GPR141: variants seen among roughly 807,000 people sequenced by gnomAD.
GPR141 encodes probable G protein-coupled receptor 141.
A neutral mutation model predicts 6.8 loss-of-function variants in GPR141; 6 were observed. That is an observed-to-expected ratio of 0.88 (90% CI 0.48 to 1.74). The LOEUF is 1.74. Ranked by LOEUF, GPR141 falls within the 40% of genes most tolerant of loss-of-function variation. The pLI is 0.01. For missense variants in GPR141, 372 were observed against 372.9 expected (o/e 1.00, Z 0.02); for synonymous variants, 140 against 142.3 (o/e 0.98, Z 0.11).
At chr7:37,736,677 C>T (rs1025127191) in intron 2 of GPR141, among the ~76,000 whole-genome samples, 3 of 152,036 alleles carry the variant, frequency 2.0e-5, no homozygotes, top group African/African-American at 7.2e-5. Context: ...ATGCCAACCT[C>T]GGCTTTTATG....
chr7:37,719,657 G>C (rs1035545414), intron 2 of GPR141, among the ~76,000 whole-genome samples: 1 of 152,100 alleles, frequency 6.6e-6, no homozygotes, highest in African/African-American at 2.4e-5. Flanking sequence ...CTTAGAGTTC[G>C]CCTTGGCCAT....
At chr7:37,700,226 G>C (rs1022497574) in intron 2 of GPR141, among the ~76,000 whole-genome samples, 3 of 152,196 alleles carry the variant, frequency 2.0e-5, no homozygotes, top group Non-Finnish European at 4.4e-5. Flanking sequence ...GATGTGATCA[G>C]ATTGAATTTA....
At chr7:37,694,489 G>A (rs1809928879) in intron 2 of GPR141, among the ~76,000 whole-genome samples, 1 of 152,190 alleles carries the variant, frequency 6.6e-6, no homozygotes, top group Non-Finnish European at 1.5e-5. Flanking sequence ...CTGTTCTGCT[G>A]AAGAACTGTT....
At chr7:37,705,432 A>G (rs994707420) in intron 2 of GPR141, among the ~76,000 whole-genome samples, 2 of 152,194 alleles carry the variant, frequency 1.3e-5, no homozygotes, top group African/African-American at 4.8e-5. Context: ...TCAGTAGAGA[A>G]AGGAAATTCT....
chr7:37,719,308 C>A (rs1378631440), intron 2 of GPR141, among the ~76,000 whole-genome samples: 1 of 152,164 alleles, frequency 6.6e-6, no homozygotes, highest in Non-Finnish European at 1.5e-5. Context: ...TCAAATCATA[C>A]ACTCTTGGGA....
chr7:37,726,203 A>C (rs1583565685), intron 2 of GPR141, among the ~76,000 whole-genome samples: 1 of 152,370 alleles, frequency 6.6e-6, no homozygotes, highest in African/African-American at 2.4e-5. Context: ...AGGAGGGATC[A>C]CATCCTGTAA....
At chr7:37,692,565 T>A (rs1357446484) in intron 2 of GPR141, among the ~76,000 whole-genome samples, 1 of 152,218 alleles carries the variant, frequency 6.6e-6, no homozygotes, top group Non-Finnish European at 1.5e-5. Flanking sequence ...CCTTGAGGAA[T>A]CACCACACCT....
rs1379116636 is a variant in GPR141, at chr7:37,738,416, C to T, written c.-14-1964C>T. Among the ~76,000 whole-genome samples the T allele has an allele frequency of 3.3e-5, 5 of 152,302 alleles. No homozygotes were observed. In the East Asian group the frequency reaches 7.7e-4, roughly 24 times the overall value. ...CCTATAGTGGCACATTCATTCTTGACTCACATGTGAACACAATATAATTTC... is the reference window on the plus strand; with the variant it reads ...CCTATAGTGGCACATTCATTCTTGATTCACATGTGAACACAATATAATTTC... On this transcript the variant is annotated intron_variant, in intron 2 of 2. Transcript: ENST00000334425.
In GPR141 at chr7:37,742,412, C is replaced by T. The variant is rs1362672536; in HGVS notation, c.*1101C>T. On this transcript the variant is annotated 3_prime_UTR_variant, in exon 3 of 3. Transcript: ENST00000334425. Reference sequence around the variant, plus strand: ...CCTCCCCTAGCCCCCCACCCCTGGACAGGCCCCATTGTGTGATGTTCCCCT... The same window carrying T: ...CCTCCCCTAGCCCCCCACCCCTGGATAGGCCCCATTGTGTGATGTTCCCCT... Among the ~76,000 whole-genome samples the T allele has an allele frequency of 6.6e-6, 1 of 151,298 alleles. No homozygotes were observed. Among genetic ancestry groups the T allele is most frequent in the Non-Finnish European group, 1.5e-5 (1 of 67,884 alleles).
chr7:37,704,927 C>A (rs781409531), intron 2 of GPR141, among the ~76,000 whole-genome samples: 27 of 151,984 alleles, frequency 1.8e-4, no homozygotes, highest in Admixed American at 3.3e-4. Context: ...AGGGTACTTT[C>A]CACTGTGAAC....
intron 2 of GPR141, among the ~76,000 whole-genome samples, chr7:37,693,511 T>G (rs917888884): frequency 1.3e-5 from 2 of 152,136 alleles, no homozygotes; most frequent in African/African-American, 4.8e-5. Context: ...TACGGCTGTG[T>G]TTCTGTAAAC....
chr7:37,737,584 C>CT (rs540193006), intron 2 of GPR141, among the ~76,000 whole-genome samples: 3,325 of 147,300 alleles, frequency 0.023, 99 homozygotes, highest in East Asian at 0.12. Flanking sequence ...TTATTTTTAA[C>CT]TTTTTTTTTT....
intron 2 of GPR141, among the ~76,000 whole-genome samples, chr7:37,716,693 C>G (rs1811067789): frequency 6.6e-6 from 1 of 152,208 alleles, no homozygotes; most frequent in Non-Finnish European, 1.5e-5. Flanking sequence ...CTTCTATATT[C>G]TTTGTTGAGT....
intron 2 of GPR141, among the ~76,000 whole-genome samples, chr7:37,737,946 A>T (rs188895661): frequency 6.6e-6 from 1 of 152,330 alleles, no homozygotes; most frequent in East Asian, 1.9e-4. Flanking sequence ...CTTTCAAGAT[A>T]TGTTGGCATA....
At chr7:37,718,272 G>T (rs1368752910) in intron 2 of GPR141, among the ~76,000 whole-genome samples, 5 of 152,116 alleles carry the variant, frequency 3.3e-5, no homozygotes, top group Non-Finnish European at 7.4e-5. Context: ...GATTTGAGAG[G>T]CTGATGTGAG....
At chr7:37,721,916 G>A (rs1811346216) in intron 2 of GPR141, among the ~76,000 whole-genome samples, 1 of 152,154 alleles carries the variant, frequency 6.6e-6, no homozygotes, top group Admixed American at 6.5e-5. Context: ...TTGCCTACAA[G>A]TATATTTCAC....
intron 1 of GPR141, 168 bp from the exon 2 acceptor site, chr7:37,685,292 C>T (rs1562761121): frequency 6.6e-6 from 1 of 152,156 alleles, no homozygotes; most frequent in Admixed American, 6.6e-5. Flanking sequence ...AAATTGCATG[C>T]AAAAATGTAA....
chr7:37,707,271 C>G (rs577534802), intron 2 of GPR141, among the ~76,000 whole-genome samples: 1 of 152,110 alleles, frequency 6.6e-6, no homozygotes, highest in Non-Finnish European at 1.5e-5. Context: ...AAGTAGATAC[C>G]GTTATTACCA....
rs1207218782 is a variant in GPR141, at chr7:37,742,464, C to G, written c.*1153C>G. Among the ~76,000 whole-genome samples, 1 of 147,764 alleles carries G rather than the reference C, an allele frequency of 6.8e-6. No individual in the cohort carries two copies. Among genetic ancestry groups the G allele is most frequent in the Non-Finnish European group, 1.5e-5 (1 of 67,204 alleles). On this transcript the variant is annotated 3_prime_UTR_variant, in exon 3 of 3. Transcript: ENST00000334425. ...CCTGTGTCCATGTGTTTTCATTGTT[C>G]AACTCCCACTTCTAAGTGAGAACAT... is the stretch of plus-strand genomic sequence containing the variant.
Sources: allele counts gnomAD v4.1 joint callset (sites outside exome capture counted in the v4.1 genomes callset), GRCh38; gene constraint gnomAD v4.1.1; transcripts MANE v1.5; gene names NCBI Gene and HGNC (gene_info 2026-07-23, HGNC 2026-07-21).